Variants in FBXL13 observed in about 807,000 individuals in gnomAD.
The protein encoded by FBXL13 is F-box and leucine rich repeat protein 13.
A neutral mutation model predicts 83.6 loss-of-function variants in FBXL13; 67 were observed. The observed-to-expected ratio is 0.80, with a 90% CI of 0.66 to 0.98. The LOEUF is 0.98. Among genes scored for constraint, FBXL13 ranks in the 50% least tolerant of loss-of-function variants. The pLI, the probability that FBXL13 is intolerant of heterozygous loss-of-function variation, is 0.00. For synonymous variants in FBXL13, 272 were observed against 299.5 expected, an observed-to-expected ratio of 0.91 and a Z score of 0.95; for missense variants, 822 against 866.5, an observed-to-expected ratio of 0.95 and a Z score of 0.64.
chr7:102,843,385 G>A (rs1281608148), intron 17 of FBXL13, among the ~76,000 whole-genome samples: 2 of 152,090 alleles, frequency 1.3e-5, no homozygotes, highest in Non-Finnish European at 2.9e-5. Context: ...AGAGGTTGCA[G>A]TGAGCCAACA....
intron 11 of FBXL13, among the ~76,000 whole-genome samples, chr7:102,912,104 A>G (rs139083536): frequency 1.3e-5 from 2 of 152,318 alleles, no homozygotes; most frequent in East Asian, 3.9e-4. Context: ...TTAAAACTGT[A>G]CTAGTACCAT....
chr7:102,911,973 G>C (rs1209748569), intron 11 of FBXL13, among the ~76,000 whole-genome samples: 1 of 152,188 alleles, frequency 6.6e-6, no homozygotes, highest in South Asian at 2.1e-4. Context: ...CAAGATGTCA[G>C]TGGAGGTGAC....
intron 11 of FBXL13, among the ~76,000 whole-genome samples, chr7:102,886,694 A>T (rs971298411): frequency 6.6e-6 from 1 of 152,248 alleles, no homozygotes; most frequent in African/African-American, 2.4e-5. Flanking sequence ...TTACATGAAT[A>T]AATGGAGGAA....
chr7:102,956,696 C>A lies in FBXL13; in HGVS notation c.724+6837G>T, dbSNP rs573666356. 3.3e-5 allele frequency among the ~76,000 whole-genome samples: 5 copies of A among 152,280 alleles called. No individual in the cohort carries two copies. In the East Asian group the frequency reaches 7.7e-4, roughly 24 times the overall value. On this transcript the variant is annotated intron_variant, in intron 8 of 19. Transcript: ENST00000313221. ...GCAACTTCAGCAAAGTCTGAGGACA[C>A]AAAATCAATGTGCAAAAATCACAAG...
At chr7:103,016,949 T>C (rs1792423910) in intron 6 of FBXL13, among the ~76,000 whole-genome samples, 1 of 152,192 alleles carries the variant, frequency 6.6e-6, no homozygotes, top group South Asian at 2.1e-4. Flanking sequence ...GACTTAAACG[T>C]CCCTGTCTGA....
chr7:102,890,758 T>G (rs773974704), intron 11 of FBXL13, among the ~76,000 whole-genome samples: 2 of 152,194 alleles, frequency 1.3e-5, no homozygotes, highest in East Asian at 3.9e-4. Flanking sequence ...CAAAACTGCC[T>G]GTGAGTCAGC....
chr7:102,929,736 C>T (rs972912353), intron 9 of FBXL13, among the ~76,000 whole-genome samples: 31 of 150,886 alleles, frequency 2.1e-4, no homozygotes, highest in Non-Finnish European at 3.1e-4. Flanking sequence ...TGCATAGGGC[C>T]GGGGGTTGAG....
chr7:103,036,061 T>C (rs1315687229), intron 2 of FBXL13, among the ~76,000 whole-genome samples: 1 of 152,186 alleles, frequency 6.6e-6, no homozygotes, highest in African/African-American at 2.4e-5. Flanking sequence ...TAGATTCTCA[T>C]GGGAGCACGA....
intron 8 of FBXL13, among the ~76,000 whole-genome samples, chr7:102,960,749 A>G (rs1825061682): frequency 1.3e-5 from 2 of 151,742 alleles, no homozygotes; most frequent in African/African-American, 4.8e-5. Flanking sequence ...GATTATCTCA[A>G]TAGATGCAGA....
At chr7:102,830,766 T>C (rs10487283) in intron 18 of FBXL13, among the ~76,000 whole-genome samples, 27,370 of 152,198 alleles carry the variant, frequency 0.18, 2,735 homozygotes, top group East Asian at 0.43. Context: ...AAGCCTTCAG[T>C]GTGTACAATA....
At chr7:102,937,345 C>CAA (rs373845836) in intron 8 of FBXL13, among the ~76,000 whole-genome samples, 10,657 of 143,684 alleles carry the variant, frequency 0.074, 434 homozygotes, top group Non-Finnish European at 0.078. Flanking sequence ...ACTAAAAATA[C>CAA]AAAAAAAAAA....
At chr7:102,919,754 A>G (rs1420322604) in intron 10 of FBXL13, among the ~76,000 whole-genome samples, 2 of 152,220 alleles carry the variant, frequency 1.3e-5, no homozygotes, top group African/African-American at 2.4e-5. Flanking sequence ...TTTATCCTCC[A>G]AGATAATAGT....
At chr7:102,838,212 T>C (rs1198187743) in intron 17 of FBXL13, among the ~76,000 whole-genome samples, 3 of 152,216 alleles carry the variant, frequency 2.0e-5, no homozygotes, top group African/African-American at 7.2e-5. Flanking sequence ...CAACCTCTCT[T>C]ACCCCTCAAT....
At chr7:102,968,319 G>C (rs1039603552) in intron 6 of FBXL13, among the ~76,000 whole-genome samples, 2 of 152,180 alleles carry the variant, frequency 1.3e-5, no homozygotes, top group Non-Finnish European at 2.9e-5. Flanking sequence ...CTAAAGTACT[G>C]GAACTTACCT....
At chr7:103,058,752 G>T (rs1248359845) in intron 1 of FBXL13, among the ~76,000 whole-genome samples, 1 of 152,214 alleles carries the variant, frequency 6.6e-6, no homozygotes, top group African/African-American at 2.4e-5. Context: ...GTGCCTAAAT[G>T]AAGTTCAGCT....
chr7:102,867,695 A>ATATATTTTTT (rs1239781180), intron 16 of FBXL13, among the ~76,000 whole-genome samples: 3 of 49,078 alleles, frequency 6.1e-5, no homozygotes, highest in African/African-American at 3.7e-4. Flanking sequence ...ATATATATAT[A>ATATATTTTTT]TTTTTTTTTT....
chr7:102,825,435 GC>G (rs1799461436), intron 18 of FBXL13, among the ~76,000 whole-genome samples: 1 of 152,172 alleles, frequency 6.6e-6, no homozygotes, highest in Non-Finnish European at 1.5e-5. Context: ...GAGAGTCCTT[GC>G]CAGCAAGAAG....
intron 9 of FBXL13, among the ~76,000 whole-genome samples, chr7:102,930,890 C>G (rs1034548995): frequency 6.6e-6 from 1 of 152,194 alleles, no homozygotes; most frequent in African/African-American, 2.4e-5. Flanking sequence ...GTTGCATTCA[C>G]TAAATATTAT....
chr7:103,030,633 T>C (rs1000514618), intron 2 of FBXL13, among the ~76,000 whole-genome samples: 3 of 152,158 alleles, frequency 2.0e-5, no homozygotes, highest in African/African-American at 7.2e-5. Flanking sequence ...CAGTAAATGA[T>C]ATGTCATAAA....
Sources: gnomAD v4.1 joint callset for allele counts (sites outside exome capture counted in the v4.1 genomes callset) on GRCh38, gnomAD v4.1.1 for gene constraint, MANE v1.5 for transcripts, NCBI Gene and HGNC (gene_info 2026-07-23, HGNC 2026-07-21) for gene names.